Variants in KCND2 observed in about 807,000 individuals in gnomAD.
KCND2 encodes the protein A-type voltage-gated potassium channel KCND2.
A neutral mutation model predicts 54.4 loss-of-function variants in KCND2; 16 were observed. The observed-to-expected ratio is 0.29, with a 90% CI of 0.20 to 0.45. The LOEUF is 0.45. KCND2 is among the 20% of genes least tolerant of loss of function. KCND2 has a pLI of 1.00. For synonymous variants in KCND2, 317 were observed against 310.7 expected (o/e 1.02, Z -0.21); for missense variants, 486 against 824.2 (o/e 0.59, Z 5.02).
chr7:120,284,757 T>G (rs1278098840), intron 1 of KCND2, among the ~76,000 whole-genome samples: 1 of 152,186 alleles, frequency 6.6e-6, no homozygotes, highest in African/African-American at 2.4e-5. Flanking sequence ...GCTAGATTTC[T>G]GGAAGATCAT....
chr7:120,314,272 G>T (rs1225942605), intron 1 of KCND2, among the ~76,000 whole-genome samples: 4 of 151,516 alleles, frequency 2.6e-5, no homozygotes, highest in Admixed American at 1.3e-4. Flanking sequence ...GGTGGAGCTT[G>T]CAGTGAGCCG....
chr7:120,381,808 T>A (rs1800920176), intron 1 of KCND2, among the ~76,000 whole-genome samples: 2 of 152,078 alleles, frequency 1.3e-5, no homozygotes, highest in South Asian at 4.1e-4. Context: ...TAAAAAGTCT[T>A]TTTAAGTATG....
At chr7:120,491,120 G>A (rs962038118) in intron 1 of KCND2, among the ~76,000 whole-genome samples, 8 of 152,060 alleles carry the variant, frequency 5.3e-5, no homozygotes, top group Non-Finnish European at 8.8e-5. Flanking sequence ...TCAAAATTAA[G>A]CAGAAAATTT....
chr7:120,547,519 T>C (rs535647674), intron 1 of KCND2, among the ~76,000 whole-genome samples: 93 of 152,096 alleles, frequency 6.1e-4, no homozygotes, highest in Admixed American at 5.0e-3. Flanking sequence ...GTGGTCCTAA[T>C]AGAAGCAATT....
rs201592543 is a variant in KCND2, at chr7:120,362,131, TA to T, written c.1115+86385del. On this transcript the variant is annotated intron_variant, in intron 1 of 5. Transcript: ENST00000331113. ...GATTGCAAGCCTTTCCATATGAAATTACAGCTAAGTCTGTAGTAGAAGAAAG... is the reference window on the plus strand; with the variant it reads ...GATTGCAAGCCTTTCCATATGAAATTCAGCTAAGTCTGTAGTAGAAGAAAG... Among the ~76,000 whole-genome samples the T allele has an allele frequency of 4.8e-3, 732 of 152,274 alleles. 7 individuals carry two copies. Among genetic ancestry groups the T allele is most frequent in the Admixed American group, 0.026 (400 of 15,276 alleles).
At chr7:120,609,967 GTGTT>G (rs1173324068) in intron 1 of KCND2, among the ~76,000 whole-genome samples, 1 of 152,130 alleles carries the variant, frequency 6.6e-6, no homozygotes, top group Non-Finnish European at 1.5e-5. Context: ...GAAATACTGA[GTGTT>G]TGGACATACA....
intron 1 of KCND2, among the ~76,000 whole-genome samples, chr7:120,631,977 A>C (rs1172013442): frequency 6.6e-6 from 1 of 152,022 alleles, no homozygotes; most frequent in East Asian, 1.9e-4. Context: ...TCATCAGCCT[A>C]GTGTCTCAAT....
intron 1 of KCND2, among the ~76,000 whole-genome samples, chr7:120,544,530 C>T (rs1792020105): frequency 6.6e-6 from 1 of 151,786 alleles, no homozygotes; most frequent in Admixed American, 6.6e-5. Flanking sequence ...TATGCAATCA[C>T]AGGATTCTGG....
At chr7:120,597,301 T>G (rs1792758481) in intron 1 of KCND2, among the ~76,000 whole-genome samples, 1 of 152,148 alleles carries the variant, frequency 6.6e-6, no homozygotes, top group Non-Finnish European at 1.5e-5. Flanking sequence ...GATAAAAGTT[T>G]CTAGTCCAAA....
chr7:120,701,041 G>A (rs1170124078), intron 1 of KCND2, among the ~76,000 whole-genome samples: 2 of 151,970 alleles, frequency 1.3e-5, no homozygotes, highest in South Asian at 2.1e-4. Flanking sequence ...AGTAGGATGC[G>A]GGAGTTCCAG....
chr7:120,548,417 C>T (rs1260487965), intron 1 of KCND2, among the ~76,000 whole-genome samples: 1 of 152,086 alleles, frequency 6.6e-6, no homozygotes, highest in East Asian at 1.9e-4. Context: ...GTTTAAATGG[C>T]ATTGTCAATT....
At chr7:120,572,882 A>T (rs1792383525) in intron 1 of KCND2, among the ~76,000 whole-genome samples, 1 of 152,236 alleles carries the variant, frequency 6.6e-6, no homozygotes, top group African/African-American at 2.4e-5. Flanking sequence ...GAATCTAAGG[A>T]GGGAGATTAA....
chr7:120,598,971 G>A (rs1409819704), intron 1 of KCND2, among the ~76,000 whole-genome samples: 2 of 152,134 alleles, frequency 1.3e-5, no homozygotes, highest in Non-Finnish European at 2.9e-5. Context: ...TTACATTTAG[G>A]TAGCCGATCC....
At chr7:120,399,941 G>C (rs1230473561) in intron 1 of KCND2, among the ~76,000 whole-genome samples, 1 of 151,956 alleles carries the variant, frequency 6.6e-6, no homozygotes, top group African/African-American at 2.4e-5. Context: ...GCCCAGGCTG[G>C]TCTCAAACTC....
In KCND2 at chr7:120,367,564, T is replaced by TA. The variant is rs1209549564; in HGVS notation, c.1115+91829dup. 8.9e-3 allele frequency among the ~76,000 whole-genome samples: 1,256 copies of TA among 141,640 alleles called. 55 individuals carry two copies. The highest frequency in any genetic ancestry group is 0.073 in the Admixed American group (1,033 of 14,202). The allele number at this position is 141,640 out of a possible 152,430, so 92.9% of individuals were successfully genotyped here. A position where few individuals can be genotyped will look rare whatever the true frequency, so the allele number is the denominator to read the frequency against. Reference sequence around the variant, plus strand: ...TGGGAAATTTCAGAAAATCCATAGTTAAAAAAAAAAAAGAAAGATAATTTA... The same window carrying TA: ...TGGGAAATTTCAGAAAATCCATAGTTAAAAAAAAAAAAAGAAAGATAATTTA... On this transcript the variant is annotated intron_variant, in intron 1 of 5. Transcript: ENST00000331113.
At chr7:120,453,488 T>TGCCACC (rs781422023) in intron 1 of KCND2, among the ~76,000 whole-genome samples, 95 of 152,302 alleles carry the variant, frequency 6.2e-4, no homozygotes, top group Non-Finnish European at 1.1e-3. Flanking sequence ...GCACTGCCAC[T>TGCCACC]GCCACCATTG....
At chr7:120,707,964 C>T (rs1792490589) in intron 1 of KCND2, among the ~76,000 whole-genome samples, 2 of 151,816 alleles carry the variant, frequency 1.3e-5, no homozygotes, top group African/African-American at 4.8e-5. Context: ...AGAACTGGAG[C>T]TTCATTAAGC....
chr7:120,343,380 C>T (rs1369153008), intron 1 of KCND2, among the ~76,000 whole-genome samples: 1 of 152,084 alleles, frequency 6.6e-6, no homozygotes, highest in African/African-American at 2.4e-5. Flanking sequence ...TTTTAAGCTA[C>T]CTGACTATGA....
chr7:120,486,166 T>C (rs1802690456), intron 1 of KCND2, among the ~76,000 whole-genome samples: 2 of 152,160 alleles, frequency 1.3e-5, no homozygotes, highest in African/African-American at 4.8e-5. Flanking sequence ...ATTAGCTCTA[T>C]TGTATCCTGA....
Sources: gnomAD v4.1 joint callset for allele counts (sites outside exome capture counted in the v4.1 genomes callset) on GRCh38, gnomAD v4.1.1 for gene constraint, MANE v1.5 for transcripts, NCBI Gene and HGNC (gene_info 2026-07-23, HGNC 2026-07-21) for gene names.